Variants in TNKS observed in about 807,000 individuals in gnomAD.
TNKS encodes tankyrase.
A neutral mutation model predicts 135.8 loss-of-function variants in TNKS; 72 were observed. That is an observed-to-expected ratio of 0.53 (90% CI 0.44 to 0.64). The LOEUF (loss-of-function observed/expected upper bound fraction) is 0.64. TNKS is among the 30% of genes least tolerant of loss of function. The pLI, the probability that TNKS is intolerant of heterozygous loss-of-function variation, is 0.00. For synonymous variants in TNKS, 849 were observed against 649.3 expected (o/e 1.31, Z -4.68); for missense variants, 1,769 against 1,674.0 (o/e 1.06, Z -0.99).
intron 2 of TNKS, among the ~76,000 whole-genome samples, chr8:9,598,809 A>G (rs866039344): frequency 0.039 from 4,182 of 106,750 alleles, 380 homozygotes; most frequent in Non-Finnish European, 0.053. Context: ...ATATATATAT[A>G]TATATATATG....
chr8:9,556,670 AG>A, intron 1 of TNKS, 58 bp downstream of exon 1: 1 of 1,597,570 alleles, frequency 6.3e-7, no homozygotes, highest in Non-Finnish European at 8.5e-7. Context: ...GGGTCCGGTT[AG>A]GACAAGAAAA....
intron 13 of TNKS, 81 bp downstream of exon 13, chr8:9,726,801 A>T: frequency 9.1e-7 from 1 of 1,096,318 alleles, no homozygotes; most frequent in Non-Finnish European, 1.3e-6. Context: ...AAGTATATCT[A>T]CTCAAATACA....
chr8:9,619,318 A>G lies in TNKS; in HGVS notation c.994+3641A>G, dbSNP rs187885744. ...GGGCTAGAAAGTAGGGTCTTTGTTA[A>G]TTATGTGAAGGAGATTCTCTGGGCA... is the stretch of plus-strand genomic sequence containing the variant. On this transcript the variant is annotated intron_variant, in intron 3 of 26. Coordinates refer to ENST00000310430, the MANE Select transcript of TNKS (RefSeq NM_003747.3). Among the ~76,000 whole-genome samples, 124 of 152,304 alleles carry G rather than the reference A, an allele frequency of 8.1e-4. 1 individual carries two copies. The highest frequency in any genetic ancestry group is 2.8e-3 in the African/African-American group (116 of 41,574).
At chr8:9,579,996 A>G (rs1227343557) in intron 1 of TNKS, among the ~76,000 whole-genome samples, 163 bp from the exon 2 acceptor site, 1 of 152,196 alleles carries the variant, frequency 6.6e-6, no homozygotes, top group African/African-American at 2.4e-5. Flanking sequence ...ATTCTGTGAA[A>G]TGAGTCAGTT....
chr8:9,743,840 A>G (rs1182092180), intron 17 of TNKS, among the ~76,000 whole-genome samples: 2 of 152,232 alleles, frequency 1.3e-5, no homozygotes, highest in East Asian at 3.8e-4. Context: ...TCACTCCTAC[A>G]TTTCACAGCC....
intron 8 of TNKS, among the ~76,000 whole-genome samples, 180 bp downstream of exon 8, chr8:9,707,177 T>G (rs1804088044): frequency 6.6e-6 from 1 of 152,256 alleles, no homozygotes; most frequent in Admixed American, 6.5e-5. Context: ...AGACACTTTT[T>G]GTATATATTG....
At chr8:9,771,521 G>C (rs866566552) in intron 26 of TNKS, among the ~76,000 whole-genome samples, 1 of 145,748 alleles carries the variant, frequency 6.9e-6, no homozygotes, top group African/African-American at 2.6e-5. Flanking sequence ...GGGAGAGAGA[G>C]GAAGGGAGGG....
rs764884072 is a variant in TNKS, at chr8:9,642,533, C to T, written c.994+26856C>T. The stretch of plus-strand genomic sequence containing the variant: ...GCAGAATGATGTCATCCTTCATAAA[C>T]GTGATCAGTCATGAACCATTTAGTT... On this transcript the variant is annotated intron_variant, in intron 3 of 26. Coordinates refer to ENST00000310430, the MANE Select transcript of TNKS (RefSeq NM_003747.3). 5.5e-5 allele frequency among the ~76,000 whole-genome samples: 8 copies of T among 146,210 alleles called. 2 individuals carry two copies. Among genetic ancestry groups the T allele is most frequent in the African/African-American group, 1.0e-4 (4 of 39,548 alleles).
At chr8:9,610,616 C>G (rs976318613) in intron 2 of TNKS, among the ~76,000 whole-genome samples, 21 of 152,052 alleles carry the variant, frequency 1.4e-4, no homozygotes, top group Admixed American at 2.6e-4. Context: ...AAAAATTCAA[C>G]GAACTTGGTC....
At chr8:9,673,558 C>G (rs868374774) in intron 3 of TNKS, among the ~76,000 whole-genome samples, 1 of 149,614 alleles carries the variant, frequency 6.7e-6, no homozygotes, top group Non-Finnish European at 1.5e-5. Context: ...AATTCTCTGT[C>G]TCAGCCTCCC....
At chr8:9,619,014 A>C (rs1799759263) in intron 3 of TNKS, among the ~76,000 whole-genome samples, 1 of 152,148 alleles carries the variant, frequency 6.6e-6, no homozygotes, top group Admixed American at 6.5e-5. Flanking sequence ...TGGTTTTTTG[A>C]GCGAATTCCC....
chr8:9,758,549 G>T (rs763892074), intron 20 of TNKS, among the ~76,000 whole-genome samples: 86 of 152,288 alleles, frequency 5.6e-4, no homozygotes, highest in Non-Finnish European at 3.4e-4. Context: ...TAACAAACAT[G>T]TATTATTCCA....
intron 5 of TNKS, among the ~76,000 whole-genome samples, chr8:9,693,322 TTGTG>T (rs1266598483): frequency 1.3e-5 from 2 of 151,978 alleles, no homozygotes; most frequent in Non-Finnish European, 2.9e-5. Context: ...ACATTCCTAT[TTGTG>T]TGGGAAAAAA....
intron 12 of TNKS, among the ~76,000 whole-genome samples, chr8:9,722,670 C>G (rs1032225747): frequency 6.6e-6 from 1 of 151,690 alleles, no homozygotes; most frequent in African/African-American, 2.4e-5. Context: ...TCAGTAAATT[C>G]TAATGATTTC....
chr8:9,648,186 T>C (rs193014196), intron 3 of TNKS, among the ~76,000 whole-genome samples: 93 of 152,288 alleles, frequency 6.1e-4, no homozygotes, highest in Middle Eastern at 6.8e-3. Context: ...TCATAAACAC[T>C]GTATGCTTAG....
chr8:9,608,926 T>G (rs928741336), intron 2 of TNKS, among the ~76,000 whole-genome samples: 1 of 152,186 alleles, frequency 6.6e-6, no homozygotes, highest in Non-Finnish European at 1.5e-5. Flanking sequence ...TTCTCCAATT[T>G]CATAATCGGT....
intron 22 of TNKS, among the ~76,000 whole-genome samples, chr8:9,764,035 A>G (rs12681705): frequency 1.3e-5 from 2 of 152,162 alleles, no homozygotes; most frequent in Non-Finnish European, 2.9e-5. Context: ...GTGTCTTACT[A>G]CCTAATTCTC....
At position 9,595,613 on chromosome 8, in the gene TNKS, C is replaced by T. The variant is rs368618203; in HGVS notation, c.898+15230C>T. ...TTATTAGAATTCCAGGAAAAGCACC[C>T]GTATGGAAGCTTTCACTCTTCCAAG... On this transcript the variant is annotated intron_variant, in intron 2 of 26. Coordinates refer to ENST00000310430, the MANE Select transcript of TNKS (RefSeq NM_003747.3). 4.9e-4 allele frequency among the ~76,000 whole-genome samples: 74 copies of T among 151,628 alleles called. No homozygotes were observed. In the East Asian group the frequency reaches 7.5e-3, roughly 15 times the overall value.
intron 2 of TNKS, among the ~76,000 whole-genome samples, chr8:9,609,278 A>T (rs1799355568): frequency 6.6e-6 from 1 of 152,106 alleles, no homozygotes. Flanking sequence ...TGTGCACTGG[A>T]CATTTTACCA....
Sources: allele counts gnomAD v4.1 joint callset (sites outside exome capture counted in the v4.1 genomes callset), GRCh38; gene constraint gnomAD v4.1.1; transcripts MANE v1.5; gene names NCBI Gene and HGNC (gene_info 2026-07-23, HGNC 2026-07-21).